The following PKNOX2 variants were observed in gnomAD, a reference collection of about 807,000 sequenced individuals.
PKNOX2 encodes homeobox protein PKNOX2.
PKNOX2 carries 14 observed loss-of-function variants against 53.1 expected under a neutral mutation model. That is an observed-to-expected ratio of 0.26 (90% CI 0.17 to 0.41). PKNOX2 has a LOEUF of 0.41. Among genes scored for constraint, PKNOX2 ranks in the 10% least tolerant of loss-of-function variants. PKNOX2 has a pLI of 1.00. For synonymous variants in PKNOX2, 257 were observed against 242.8 expected, an observed-to-expected ratio of 1.06 and a Z score of -0.54; for missense variants, 496 against 602.8, an observed-to-expected ratio of 0.82 and a Z score of 1.85.
intron 2 of PKNOX2, among the ~76,000 whole-genome samples, chr11:125,292,212 G>C (rs1947351476): frequency 6.6e-6 from 1 of 152,212 alleles, no homozygotes; most frequent in Admixed American, 6.5e-5. Context: ...TCAGCATTGA[G>C]TTCTGCCAGA....
intron 2 of PKNOX2, among the ~76,000 whole-genome samples, chr11:125,324,349 T>G (rs1949708955): frequency 6.6e-6 from 1 of 152,218 alleles, no homozygotes; most frequent in African/African-American, 2.4e-5. Flanking sequence ...GATAATATGG[T>G]TCTTCGTAAA....
intron 10 of PKNOX2, among the ~76,000 whole-genome samples, chr11:125,415,480 C>G (rs762350692): frequency 1.6e-4 from 24 of 152,000 alleles, no homozygotes; most frequent in South Asian, 6.2e-4. Flanking sequence ...TGAACTCAAC[C>G]TCAAGTGATC....
At chr11:125,194,248 C>A (rs911242647) in intron 1 of PKNOX2, among the ~76,000 whole-genome samples, 1 of 152,208 alleles carries the variant, frequency 6.6e-6, no homozygotes, top group African/African-American at 2.4e-5. Flanking sequence ...GAGCAGTCAT[C>A]CCTTGCTAAG....
rs192719836 is a variant in PKNOX2 at position 125,224,632 on chromosome 11, A to G, written c.-200-10413A>G. On this transcript the variant is annotated intron_variant, in intron 1 of 12. Transcript: ENST00000298282. ...CCAGGAGCCAAATTAGTGGCTAAGA[A>G]CAATTGGAAACAAATGCTCTTTCAG... Among the ~76,000 whole-genome samples, 4 of 152,332 alleles carry G rather than the reference A, an allele frequency of 2.6e-5. No homozygotes were observed. The East Asian group carries it at 5.8e-4, about 22-fold the overall frequency.
intron 7 of PKNOX2, among the ~76,000 whole-genome samples, chr11:125,404,014 G>A (rs935646059): frequency 4.6e-5 from 7 of 152,116 alleles, no homozygotes; most frequent in Admixed American, 2.6e-4. Context: ...GGCAGGGGGC[G>A]GAAGGGGTAG....
At chr11:125,295,516 C>T (rs1375445368) in intron 2 of PKNOX2, among the ~76,000 whole-genome samples, 2 of 152,210 alleles carry the variant, frequency 1.3e-5, no homozygotes, top group African/African-American at 2.4e-5. Context: ...AGAGTGAGGG[C>T]TCAGGAGCGG....
intron 2 of PKNOX2, among the ~76,000 whole-genome samples, chr11:125,269,927 T>C (rs920523671): frequency 1.3e-5 from 2 of 152,170 alleles, no homozygotes; most frequent in African/African-American, 4.8e-5. Context: ...ATTTAACAAA[T>C]ATTTATTGAG....
At chr11:125,179,540 C>A (rs2135263787) in intron 1 of PKNOX2, among the ~76,000 whole-genome samples, 1 of 152,302 alleles carries the variant, frequency 6.6e-6, no homozygotes, top group South Asian at 2.1e-4. Flanking sequence ...AAGGGCTGTG[C>A]CTGCAAGAGC....
At chr11:125,341,049 CAAAAAAA>C (rs58556639) in intron 3 of PKNOX2, among the ~76,000 whole-genome samples, 4 of 46,066 alleles carry the variant, frequency 8.7e-5, no homozygotes, top group Admixed American at 5.3e-4. Context: ...GACTCCATCT[CAAAAAAA>C]AAAAAAAAAA....
At chr11:125,238,051 G>A (rs147839026) in intron 2 of PKNOX2, among the ~76,000 whole-genome samples, 16 of 152,310 alleles carry the variant, frequency 1.1e-4, no homozygotes, top group African/African-American at 3.4e-4. Context: ...GTCCTGAGGA[G>A]GCTGTGCCCT....
intron 4 of PKNOX2, among the ~76,000 whole-genome samples, chr11:125,361,896 C>T (rs1951944795): frequency 6.6e-6 from 1 of 152,190 alleles, no homozygotes; most frequent in Admixed American, 6.5e-5. Context: ...GGGCTCTCGG[C>T]CTCCAGGCTC....
intron 2 of PKNOX2, among the ~76,000 whole-genome samples, chr11:125,305,534 CCCCA>C: frequency 6.6e-6 from 1 of 152,302 alleles, no homozygotes; most frequent in African/African-American, 2.4e-5. Context: ...TCTTGGGCAC[CCCCA>C]CCCCAGGCAG....
intron 2 of PKNOX2, among the ~76,000 whole-genome samples, chr11:125,296,710 A>G (rs1947684240): frequency 6.6e-6 from 1 of 152,110 alleles, no homozygotes; most frequent in Non-Finnish European, 1.5e-5. Context: ...ATCTTGCCTC[A>G]CTGCAACCTC....
intron 2 of PKNOX2, among the ~76,000 whole-genome samples, chr11:125,245,441 AC>A (rs1943486406): frequency 6.6e-6 from 1 of 152,220 alleles, no homozygotes; most frequent in Non-Finnish European, 1.5e-5. Context: ...CGGGATTCAG[AC>A]CTGGGTCTGC....
chr11:125,328,077 G>A (rs918834607), intron 2 of PKNOX2, among the ~76,000 whole-genome samples: 2 of 152,204 alleles, frequency 1.3e-5, no homozygotes, highest in Non-Finnish European at 2.9e-5. Flanking sequence ...ATGGCAGGAT[G>A]TCGAAGGGAG....
chr11:125,358,733 A>G (rs1030150670), intron 4 of PKNOX2, among the ~76,000 whole-genome samples: 2 of 152,138 alleles, frequency 1.3e-5, no homozygotes, highest in African/African-American at 4.8e-5. Context: ...GGGTTGGGGA[A>G]TATTTTGAGG....
chr11:125,366,560 A>T (rs1393169804), intron 4 of PKNOX2, among the ~76,000 whole-genome samples: 1 of 152,228 alleles, frequency 6.6e-6, no homozygotes, highest in East Asian at 1.9e-4. Flanking sequence ...ACATAAATAT[A>T]GAATATGATC....
chr11:125,178,681 AGAGAG>A (rs1955937877), intron 1 of PKNOX2, among the ~76,000 whole-genome samples: 4 of 60,010 alleles, frequency 6.7e-5, no homozygotes, highest in African/African-American at 3.3e-4. Flanking sequence ...AAAGAAAGAG[AGAGAG>A]AGAGAGAGAG....
chr11:125,308,781 C>T (rs1277161585), intron 2 of PKNOX2, among the ~76,000 whole-genome samples: 3 of 152,196 alleles, frequency 2.0e-5, no homozygotes, highest in African/African-American at 4.8e-5. Flanking sequence ...GGTTGGTTCT[C>T]ACTAGTAGGA....
Sources: allele counts gnomAD v4.1 joint callset (sites outside exome capture counted in the v4.1 genomes callset), GRCh38; gene constraint gnomAD v4.1.1; transcripts MANE v1.5; gene names NCBI Gene and HGNC (gene_info 2026-07-23, HGNC 2026-07-21).